LRRIQ3: variants seen among roughly 807,000 people sequenced by gnomAD.
LRRIQ3 encodes leucine rich repeats and IQ motif containing 3, also known as leucine-rich repeat and IQ domain-containing protein 3.
A neutral mutation model predicts 59.3 loss-of-function variants in LRRIQ3; 75 were observed. The ratio of observed to expected loss-of-function variants is 1.26; its 90% CI spans 1.05 to 1.53. The LOEUF is 1.53. Ranked by LOEUF, LRRIQ3 falls within the 40% of genes most tolerant of loss-of-function variation. LRRIQ3 has a pLI of 0.00. For missense variants in LRRIQ3, 831 were observed against 710.0 expected (o/e 1.17, Z -1.94); for synonymous variants, 250 against 231.3 (o/e 1.08, Z -0.73).
chr1:74,158,730 C>T (rs945204544), intron 3 of LRRIQ3, among the ~76,000 whole-genome samples: 1 of 152,112 alleles, frequency 6.6e-6, no homozygotes, highest in Non-Finnish European at 1.5e-5. Context: ...TGAAAAGAAG[C>T]ACCCTGCTCT....
chr1:74,131,037 T>C (rs766232127), intron 4 of LRRIQ3, among the ~76,000 whole-genome samples: 5 of 151,968 alleles, frequency 3.3e-5, no homozygotes, highest in African/African-American at 7.2e-5. Context: ...CAATAAAATA[T>C]GATAATGGAG....
In LRRIQ3 at chr1:74,185,672, A is replaced by T. The variant is rs549358257; in HGVS notation, c.1-1988T>A. Among the ~76,000 whole-genome samples the T allele has an allele frequency of 9.2e-5, 14 of 152,240 alleles. No homozygotes were observed. The East Asian group carries it at 2.7e-3, about 29-fold the overall frequency. ...AAAAGTCCTTGAAAGGGCCGGGCGC[A>T]GTGGCTCACGCCTGTAATCCCAGCA... On this transcript the variant is annotated intron_variant, in intron 1 of 7. Transcript: ENST00000354431.
intron 5 of LRRIQ3, among the ~76,000 whole-genome samples, chr1:74,098,089 C>G (rs1646473689): frequency 6.6e-6 from 1 of 152,006 alleles, no homozygotes; most frequent in African/African-American, 2.4e-5. Flanking sequence ...CTAAATGCCC[C>G]AATTAAAAGA....
chr1:74,140,336 T>C (rs1188658218), intron 4 of LRRIQ3, among the ~76,000 whole-genome samples: 1 of 151,864 alleles, frequency 6.6e-6, no homozygotes. Flanking sequence ...AGTCATTTCA[T>C]AAAGATAAAA....
intron 4 of LRRIQ3, among the ~76,000 whole-genome samples, chr1:74,143,875 T>C (rs1347823510): frequency 6.6e-6 from 1 of 151,854 alleles, no homozygotes; most frequent in Non-Finnish European, 1.5e-5. Flanking sequence ...AAGTACATTA[T>C]AAATGTTTTA....
chr1:74,051,842 T>C (rs1006671699), intron 6 of LRRIQ3, among the ~76,000 whole-genome samples: 3 of 152,144 alleles, frequency 2.0e-5, no homozygotes, highest in African/African-American at 7.2e-5. Flanking sequence ...TTTTATACAG[T>C]TTGCCTTCGC....
chr1:74,154,730 ATAAG>A (rs2100665416), intron 4 of LRRIQ3, among the ~76,000 whole-genome samples: 1 of 152,334 alleles, frequency 6.6e-6, no homozygotes, highest in South Asian at 2.1e-4. Context: ...AATATTTTAA[ATAAG>A]TATGCACTTT....
chr1:74,151,580 G>T (rs1416772993), intron 4 of LRRIQ3, among the ~76,000 whole-genome samples: 1 of 143,526 alleles, frequency 7.0e-6, no homozygotes. Flanking sequence ...AAATAGAACA[G>T]AAGCTAAATC....
At chr1:74,144,859 C>T (rs1557638511) in intron 4 of LRRIQ3, among the ~76,000 whole-genome samples, 1 of 151,768 alleles carries the variant, frequency 6.6e-6, no homozygotes, top group Admixed American at 6.6e-5. Flanking sequence ...CACACACACA[C>T]ATTTTTCTCC....
At position 74,178,817 on chromosome 1, in the gene LRRIQ3, T is replaced by C. The variant is rs551607563; in HGVS notation, c.573+3721A>G. ...ATTTGCAGGAGCTATTATTTCCTAA[T>C]ATAAAATGAACGGACTTCACTGGCA... On this transcript the variant is annotated intron_variant, in intron 3 of 7. Coordinates refer to ENST00000354431, the MANE Select transcript of LRRIQ3 (RefSeq NM_001105659.2). Among the ~76,000 whole-genome samples the C allele has an allele frequency of 1.2e-4, 19 of 152,264 alleles. No individual in the cohort carries two copies. The South Asian group carries it at 2.5e-3, about 20-fold the overall frequency.
chr1:74,179,116 T>C (rs1489137595), intron 3 of LRRIQ3, among the ~76,000 whole-genome samples: 1 of 152,064 alleles, frequency 6.6e-6, no homozygotes. Flanking sequence ...ATAGCACTGG[T>C]TTCTTGCCCA....
At chr1:74,088,988 A>T (rs1646364802) in intron 5 of LRRIQ3, among the ~76,000 whole-genome samples, 1 of 152,084 alleles carries the variant, frequency 6.6e-6, no homozygotes, top group Admixed American at 6.6e-5. Flanking sequence ...AATCTATTAT[A>T]AAATGATCAA....
At chr1:74,148,181 T>G (rs1033514913) in intron 4 of LRRIQ3, among the ~76,000 whole-genome samples, 2 of 152,360 alleles carry the variant, frequency 1.3e-5, no homozygotes, top group Non-Finnish European at 1.5e-5. Context: ...GTGTTAACAG[T>G]TGCTTTTTCC....
chr1:74,106,115 C>T (rs1037966017), intron 5 of LRRIQ3, among the ~76,000 whole-genome samples: 32 of 151,872 alleles, frequency 2.1e-4, no homozygotes, highest in Non-Finnish European at 1.5e-5. Context: ...TGTGAAATTC[C>T]AATTTTCATG....
intron 6 of LRRIQ3, among the ~76,000 whole-genome samples, chr1:74,071,020 C>CATATATATAT (rs34448621): frequency 1.4e-5 from 2 of 147,920 alleles, no homozygotes; most frequent in African/African-American, 5.0e-5. Flanking sequence ...GCTATATATA[C>CATATATATAT]ATATATATAT....
chr1:74,032,855 G>T (rs922065027), intron 7 of LRRIQ3, among the ~76,000 whole-genome samples: 1 of 151,858 alleles, frequency 6.6e-6, no homozygotes, highest in African/African-American at 2.4e-5. Flanking sequence ...AAGATTATAA[G>T]AATTATAAGA....
intron 4 of LRRIQ3, among the ~76,000 whole-genome samples, chr1:74,118,575 T>G (rs559003832): frequency 6.6e-6 from 1 of 151,898 alleles, no homozygotes; most frequent in Admixed American, 6.6e-5. Context: ...CCCCACTACC[T>G]CCCACACACA....
At chr1:74,160,113 T>G (rs2100677271) in intron 3 of LRRIQ3, among the ~76,000 whole-genome samples, 1 of 152,236 alleles carries the variant, frequency 6.6e-6, no homozygotes, top group East Asian at 1.9e-4. Flanking sequence ...CCCCAAGATC[T>G]TGCAAGATAA....
At chr1:74,044,380 G>T (rs188016943) in intron 6 of LRRIQ3, among the ~76,000 whole-genome samples, 1 of 152,092 alleles carries the variant, frequency 6.6e-6, no homozygotes, top group East Asian at 1.9e-4. Flanking sequence ...TTCCTGTTAT[G>T]GTAGTTCATA....
Sources: gnomAD v4.1 joint callset for allele counts (sites outside exome capture counted in the v4.1 genomes callset) on GRCh38, gnomAD v4.1.1 for gene constraint, MANE v1.5 for transcripts, NCBI Gene and HGNC (gene_info 2026-07-23, HGNC 2026-07-21) for gene names.